LAIR1: variants seen among roughly 807,000 people sequenced by gnomAD.
LAIR1 encodes the protein leukocyte associated immunoglobulin like receptor 1, also known as leukocyte-associated immunoglobulin-like receptor 1.
Under a neutral mutation model 32.8 loss-of-function variants are expected in LAIR1, and 24 were observed. That is an observed-to-expected ratio of 0.73 (90% CI 0.53 to 1.03). The LOEUF is 1.03. LAIR1 is among the 50% of genes least tolerant of loss of function. LAIR1 has a pLI of 0.00. For missense variants in LAIR1, 355 were observed against 347.5 expected, an observed-to-expected ratio of 1.02 and a Z score of -0.17; for synonymous variants, 150 against 140.5, an observed-to-expected ratio of 1.07 and a Z score of -0.48.
chr19:54,367,689 T>G (rs2082295655), upstream of LAIR1, among the ~76,000 whole-genome samples: 1 of 150,964 alleles, frequency 6.6e-6, no homozygotes, highest in African/African-American at 2.4e-5. Context: ...GAGGCTGCAG[T>G]GAGCCGAGAT....
At chr19:54,367,954 A>G (rs2082306282), upstream of LAIR1, among the ~76,000 whole-genome samples, 2 of 150,572 alleles carry the variant, frequency 1.3e-5, no homozygotes, top group Non-Finnish European at 3.0e-5. Context: ...TTGTATTTTT[A>G]GTAGAGACGG....
In LAIR1 at chr19:54,364,335, A is replaced by G. The variant is rs138062278; in HGVS notation, c.35-5T>C. 8.6e-4 allele frequency: 1,382 copies of G among 1,613,886 alleles called. 12 individuals are homozygous for G. In the African/African-American group the frequency reaches 0.017, roughly 20 times the overall value. ...TGGTCTGGGCCAGGCAGAGCACTGG[A>G]AGAGAAGCCCCAGTGAGAAAAATGC... On this transcript the variant is annotated splice_polypyrimidine_tract_variant and splice_region_variant and intron_variant, in intron 1 of 9. Transcript: ENST00000391742. This position sits in a 1 kb window ranked among gnomAD's most constrained non-coding sequence, Gnocchi z 4.8.
chr19:54,359,211 C>T (rs1275897300), intron 4 of LAIR1, among the ~76,000 whole-genome samples: 1 of 150,274 alleles, frequency 6.7e-6, no homozygotes, highest in Non-Finnish European at 1.5e-5. Flanking sequence ...GGTCCAAGGA[C>T]GTACTCTGGG....
intron 5 of LAIR1, 154 bp from the exon 6 acceptor site, chr19:54,356,773 T>C (rs917747562): frequency 2.6e-6 from 3 of 1,167,220 alleles, no homozygotes; most frequent in South Asian, 1.4e-5. Flanking sequence ...TATCCCCTTC[T>C]TCCACCACCG....
chr19:54,367,529 G>A (rs1455771637), upstream of LAIR1, among the ~76,000 whole-genome samples: 1 of 151,958 alleles, frequency 6.6e-6, no homozygotes, highest in Non-Finnish European at 1.5e-5. Flanking sequence ...GGCAGATCAT[G>A]AGGTCAGGAG....
At chr19:54,356,429 A>G (rs764704543) in intron 6 of LAIR1, 31 bp from the exon 7 acceptor site, 2 of 1,607,188 alleles carry the variant, frequency 1.2e-6, no homozygotes, top group Non-Finnish European at 1.7e-6. Flanking sequence ...AATTAAGGAG[A>G]CCTTCTTCCT....
chr19:54,369,403 T>C (rs1340305893), upstream of LAIR1, among the ~76,000 whole-genome samples: 1 of 151,408 alleles, frequency 6.6e-6, no homozygotes, highest in Non-Finnish European at 1.5e-5. Context: ...GCTGGCAGAA[T>C]CGACATCCGT....
chr19:54,369,527 T>C, upstream of LAIR1, among the ~76,000 whole-genome samples: 1 of 151,328 alleles, frequency 6.6e-6, no homozygotes, highest in East Asian at 1.9e-4. Flanking sequence ...CCCTCCACCT[T>C]TGCATTCCTC....
At position 54,360,993 on chromosome 19, in the gene LAIR1, G is replaced by A. The variant is rs746660246; in HGVS notation, c.287C>T (p.Ala96Val). The A allele has an allele frequency of 2.5e-6, 4 of 1,614,100 alleles. No individual in the cohort carries two copies. The highest frequency in any genetic ancestry group is 1.3e-5 in the African/African-American group (1 of 74,926). The stretch of plus-strand genomic sequence containing the variant: ...ATAATAGATGCAGCGATAAAGCCCG[G>A]CATTTCCTTCTCTTACTGAGTCAAT... Reference protein sequence around the residue: ...FRIDSVREGNAGLYRCIYYKP... With the variant: ...FRIDSVREGNVGLYRCIYYKP... The change falls in exon 3 of 10, where the codon GCC becomes GTC. Residue 96 changes from alanine to valine, a missense_variant. Ala to Val is a moderately conservative substitution (Grantham distance 64). Coordinates refer to ENST00000391742, the MANE Select transcript of LAIR1 (RefSeq NM_002287.6).
In LAIR1 at chr19:54,356,823, C is replaced by T. The variant is rs181369215; in HGVS notation, c.454+105G>A. On this transcript the variant is annotated intron_variant, in intron 5 of 9. Coordinates refer to ENST00000391742, the MANE Select transcript of LAIR1 (RefSeq NM_002287.6). Reference sequence around the variant, plus strand: ...GGAGTCCTCTGCACAGGGACACAGACTGCCATTGGCAGAGCAGGAATCTGA... The same window carrying T: ...GGAGTCCTCTGCACAGGGACACAGATTGCCATTGGCAGAGCAGGAATCTGA... The T allele has an allele frequency of 4.6e-3, 6,528 of 1,425,676 alleles. 228 individuals are homozygous for T. In the African/African-American group the frequency reaches 0.071, roughly 16 times the overall value. The allele number at this position is 1,425,676 out of a possible 1,614,324, so 88.3% of individuals were successfully genotyped here.
intron 2 of LAIR1, among the ~76,000 whole-genome samples, chr19:54,362,867 T>C (rs1377332462): frequency 6.6e-6 from 1 of 151,712 alleles, no homozygotes; most frequent in Non-Finnish European, 1.5e-5. Flanking sequence ...GCATATGGAG[T>C]GTTTGAGAAA....
intron 3 of LAIR1, 53 bp downstream of exon 3, chr19:54,360,862 GA>G (rs2081982558): frequency 6.4e-7 from 1 of 1,556,936 alleles, no homozygotes; most frequent in East Asian, 2.2e-5. Context: ...GGGACCTGGG[GA>G]CAAGCTCGAG....
chr19:54,360,704 G>A, intron 3 of LAIR1: 1 of 569,794 alleles, frequency 1.8e-6, no homozygotes, highest in Non-Finnish European at 3.1e-6. Context: ...CGCCATCCGT[G>A]GCGTCCAGAG....
upstream of LAIR1, among the ~76,000 whole-genome samples, chr19:54,373,312 C>G (rs8111275): frequency 6.6e-6 from 1 of 151,304 alleles, no homozygotes; most frequent in Non-Finnish European, 1.5e-5. Flanking sequence ...GGCGTGGTGG[C>G]GGGCACCTGT....
rs919766514 is a variant in LAIR1, at chr19:54,354,317, C to T, written c.*951G>A. On this transcript the variant is annotated 3_prime_UTR_variant, in exon 10 of 10. Coordinates refer to ENST00000391742, the MANE Select transcript of LAIR1 (RefSeq NM_002287.6). ...GATGTGGACCTGTAGGGTCGGCTCT[C>T]TGCCTTCACCCAGCCACACCTCCCT... is the stretch of plus-strand genomic sequence containing the variant. 1 of 152,194 alleles carries T rather than the reference C, an allele frequency of 6.6e-6. No homozygotes were observed. The highest frequency in any genetic ancestry group is 1.5e-5 in the Non-Finnish European group (1 of 68,046). 9.4% of individuals were successfully genotyped at this position (152,194 alleles called of 1,614,324 possible).
chr19:54,367,572 C>T (rs1358975945), upstream of LAIR1, among the ~76,000 whole-genome samples: 3 of 151,206 alleles, frequency 2.0e-5, no homozygotes, highest in Non-Finnish European at 2.9e-5. Flanking sequence ...CGGTGAAACC[C>T]CGTCTCTACT....
upstream of LAIR1, among the ~76,000 whole-genome samples, chr19:54,369,759 C>T (rs1335795759): frequency 1.3e-5 from 2 of 151,574 alleles, no homozygotes; most frequent in African/African-American, 2.4e-5. Context: ...AGTGGAAAGA[C>T]AACATCTACA....
upstream of LAIR1, chr19:54,365,152 A>C: frequency 1.1e-6 from 1 of 883,726 alleles, no homozygotes; most frequent in Non-Finnish European, 1.4e-6. Flanking sequence ...CGCCGTCCCA[A>C]CTCCACAAGT....
chr19:54,356,815 G>C, intron 5 of LAIR1, 113 bp downstream of exon 5: 1 of 1,390,264 alleles, frequency 7.2e-7, no homozygotes, highest in Non-Finnish European at 1.0e-6. Flanking sequence ...TCTGCACAGG[G>C]ACACAGACTG....
Sources: gnomAD v4.1 joint callset for allele counts (sites outside exome capture counted in the v4.1 genomes callset) on GRCh38, gnomAD v4.1.1 for gene constraint, Gnocchi (gnomAD v3.1) non-coding constraint, MANE v1.5 for transcripts, NCBI Gene and HGNC (gene_info 2026-07-23, HGNC 2026-07-21) for gene names.